The following KCNH5 variants were observed in gnomAD, a reference collection of about 807,000 sequenced individuals.
The protein encoded by KCNH5 is potassium voltage-gated channel subfamily H member 5.
In KCNH5, 46 loss-of-function variants were observed where a neutral mutation model predicts 96.1. The ratio of observed to expected loss-of-function variants is 0.48; its 90% CI spans 0.38 to 0.61. The LOEUF is 0.61. Ranked by LOEUF, KCNH5 falls within the 20% of genes least tolerant of loss-of-function variation. The pLI is 0.00. For synonymous variants in KCNH5, 439 were observed against 449.8 expected (o/e 0.98, Z 0.30); for missense variants, 907 against 1,225.8 (o/e 0.74, Z 3.88).
At chr14:62,964,059 T>C (rs921813370) in intron 6 of KCNH5, among the ~76,000 whole-genome samples, 3 of 152,112 alleles carry the variant, frequency 2.0e-5, no homozygotes, top group East Asian at 1.9e-4. Context: ...GTGAGATACA[T>C]GAAGAAGGAG....
At chr14:62,824,944 G>GT (rs571751754) in intron 8 of KCNH5, among the ~76,000 whole-genome samples, 22 of 151,684 alleles carry the variant, frequency 1.5e-4, no homozygotes, top group East Asian at 5.8e-4. Context: ...CGATTTCATT[G>GT]TTTTTTTTAT....
chr14:62,802,234 C>T (rs1323235896), intron 9 of KCNH5, 95 bp downstream of exon 9: 85 of 1,314,784 alleles, frequency 6.5e-5, no homozygotes, highest in Non-Finnish European at 9.0e-5. Context: ...TCCAAAGTTA[C>T]CAAACAAAGG....
chr14:63,009,990 A>C (rs1213376888), intron 2 of KCNH5, among the ~76,000 whole-genome samples: 2 of 152,192 alleles, frequency 1.3e-5, no homozygotes, highest in Non-Finnish European at 2.9e-5. Flanking sequence ...ATGTAACGGA[A>C]ATATTTTTAA....
At chr14:62,759,247 T>C (rs531346376) in intron 10 of KCNH5, among the ~76,000 whole-genome samples, 94 of 152,336 alleles carry the variant, frequency 6.2e-4, no homozygotes, top group Non-Finnish European at 1.3e-3. Context: ...CAGCTGTTTT[T>C]GACAAGCTGA....
intron 10 of KCNH5, among the ~76,000 whole-genome samples, chr14:62,720,459 G>C (rs1884784363): frequency 6.6e-6 from 1 of 152,102 alleles, no homozygotes; most frequent in Non-Finnish European, 1.5e-5. Flanking sequence ...GCGGACACCT[G>C]TAAGTCCCAG....
At chr14:62,910,437 C>T (rs1889127214) in intron 7 of KCNH5, among the ~76,000 whole-genome samples, 2 of 152,010 alleles carry the variant, frequency 1.3e-5, no homozygotes, top group African/African-American at 4.8e-5. Context: ...ATAGTCATTA[C>T]ACAAGATTTT....
At chr14:63,026,092 T>C (rs912784834) in intron 1 of KCNH5, among the ~76,000 whole-genome samples, 1 of 151,988 alleles carries the variant, frequency 6.6e-6, no homozygotes, top group Non-Finnish European at 1.5e-5. Context: ...TCAGCAAAGA[T>C]ACCAAAAACA....
At position 62,702,874 on chromosome 14, in the gene KCNH5, C is replaced by A. The variant is rs1884368945; in HGVS notation, c.*4634G>T. The A allele has an allele frequency of 6.6e-6, 1 of 151,624 alleles. No individual in the cohort carries two copies. The highest frequency in any genetic ancestry group is 1.5e-5 in the Non-Finnish European group (1 of 67,760). 9.4% of individuals were successfully genotyped at this position (151,624 alleles called of 1,614,324 possible). A position where few individuals can be genotyped will look rare whatever the true frequency, so the allele number is the denominator to read the frequency against. ...AGAATTTTGTTATAAGAGTGTCTGCCCATGTGGAATCATATATCTTGAACA... is the reference window on the plus strand; with the variant it reads ...AGAATTTTGTTATAAGAGTGTCTGCACATGTGGAATCATATATCTTGAACA... On this transcript the variant is annotated 3_prime_UTR_variant, in exon 11 of 11. Transcript: ENST00000322893.
intron 7 of KCNH5, among the ~76,000 whole-genome samples, chr14:62,883,744 C>T (rs921244173): frequency 1.3e-5 from 2 of 151,700 alleles, no homozygotes; most frequent in Non-Finnish European, 2.9e-5. Flanking sequence ...TTTTCCACCA[C>T]AGATATGTAG....
intron 10 of KCNH5, among the ~76,000 whole-genome samples, chr14:62,752,499 C>G (rs1047800009): frequency 2.0e-5 from 3 of 151,946 alleles, no homozygotes; most frequent in African/African-American, 7.3e-5. Context: ...AGGATGAGTT[C>G]TGGGCCTAGC....
intron 8 of KCNH5, among the ~76,000 whole-genome samples, chr14:62,818,241 A>G (rs1887040404): frequency 6.6e-6 from 1 of 150,922 alleles, no homozygotes; most frequent in Non-Finnish European, 1.5e-5. Context: ...CGACACACAC[A>G]GAGAACAAAG....
chr14:62,932,719 T>C (rs538842773), intron 7 of KCNH5, among the ~76,000 whole-genome samples: 1 of 152,152 alleles, frequency 6.6e-6, no homozygotes, highest in East Asian at 1.9e-4. Flanking sequence ...AAAAAGATTC[T>C]AAATGTTTCC....
intron 8 of KCNH5, among the ~76,000 whole-genome samples, chr14:62,819,048 G>C (rs1887059734): frequency 6.6e-6 from 1 of 152,128 alleles, no homozygotes; most frequent in African/African-American, 2.4e-5. Context: ...CTCACTGAAA[G>C]CTCCGCCTTC....
chr14:63,033,840 G>T lies in KCNH5; in HGVS notation c.73+11274C>A, dbSNP rs10141990. On this transcript the variant is annotated intron_variant, in intron 1 of 10. Transcript: ENST00000322893. ...AAAGAAAAAAAAGGAGGGGGTGGGT[G>T]TTGCTAAGCAGATATTCCCCCGCTT... 3.5e-3 allele frequency among the ~76,000 whole-genome samples: 537 copies of T among 152,062 alleles called. 4 individuals carry two copies. Among genetic ancestry groups the T allele is most frequent in the African/African-American group, 0.012 (516 of 41,496 alleles).
chr14:62,967,586 A>G (rs1207775104), intron 6 of KCNH5, among the ~76,000 whole-genome samples: 10 of 152,144 alleles, frequency 6.6e-5, no homozygotes, highest in Admixed American at 4.6e-4. Context: ...CATATTCTTT[A>G]TAAGTTAGTG....
chr14:62,742,520 C>A (rs1341265211), intron 10 of KCNH5, among the ~76,000 whole-genome samples: 1 of 152,140 alleles, frequency 6.6e-6, no homozygotes, highest in East Asian at 1.9e-4. Context: ...TATACCCTGT[C>A]CCAAACTAAT....
chr14:62,860,491 A>C (rs1888012047), intron 7 of KCNH5, among the ~76,000 whole-genome samples: 1 of 152,220 alleles, frequency 6.6e-6, no homozygotes, highest in Admixed American at 6.5e-5. Context: ...ATCCCTCTGA[A>C]ATAGGAATAA....
intron 10 of KCNH5, among the ~76,000 whole-genome samples, chr14:62,728,655 AT>A (rs1884986905): frequency 6.6e-6 from 1 of 152,160 alleles, no homozygotes; most frequent in Non-Finnish European, 1.5e-5. Context: ...TCATATATTC[AT>A]TAGATATGTG....
chr14:62,999,374 G>C (rs1890969461), intron 4 of KCNH5, among the ~76,000 whole-genome samples: 1 of 152,022 alleles, frequency 6.6e-6, no homozygotes, highest in African/African-American at 2.4e-5. Flanking sequence ...CCCACTTTTT[G>C]ATGGGGTTGT....
Sources: gnomAD v4.1 joint callset for allele counts (sites outside exome capture counted in the v4.1 genomes callset) on GRCh38, gnomAD v4.1.1 for gene constraint, MANE v1.5 for transcripts, NCBI Gene and HGNC (gene_info 2026-07-23, HGNC 2026-07-21) for gene names.